FGF12: variants seen among roughly 807,000 people sequenced by gnomAD.
FGF12 encodes the protein fibroblast growth factor 12, also known as fibroblast growth factor 12B.
A neutral mutation model predicts 23.6 loss-of-function variants in FGF12; 14 were observed. The ratio of observed to expected loss-of-function variants is 0.59; its 90% confidence interval spans 0.39 to 0.93. The LOEUF (loss-of-function observed/expected upper bound fraction) is 0.93. FGF12 is among the 40% of genes least tolerant of loss of function. The pLI is 0.00. For missense variants in FGF12, 175 were observed against 217.8 expected (o/e 0.80, Z 1.24); for synonymous variants, 62 against 77.3 (o/e 0.80, Z 1.04).
chr3:192,492,263 T>C (rs1723823373), intron 2 of FGF12, among the ~76,000 whole-genome samples: 2 of 152,198 alleles, frequency 1.3e-5, no homozygotes, highest in Non-Finnish European at 2.9e-5. Flanking sequence ...ATTCATATCA[T>C]TAGTTAATAT....
At chr3:192,452,882 T>C (rs1040959553) in intron 2 of FGF12, among the ~76,000 whole-genome samples, 1 of 152,266 alleles carries the variant, frequency 6.6e-6, no homozygotes, top group Non-Finnish European at 1.5e-5. Flanking sequence ...AACTTCACTA[T>C]ACTTTCTTTG....
At chr3:192,413,930 C>A (rs567168270) in intron 2 of FGF12, among the ~76,000 whole-genome samples, 1 of 152,286 alleles carries the variant, frequency 6.6e-6, no homozygotes, top group East Asian at 1.9e-4. Context: ...AGTAGGCTGA[C>A]AAAAGCAATA....
chr3:192,346,398 T>A (rs901853883), intron 3 of FGF12, among the ~76,000 whole-genome samples: 1 of 152,204 alleles, frequency 6.6e-6, no homozygotes, highest in African/African-American at 2.4e-5. Context: ...AATCTTAATT[T>A]ATTTATTTTG....
At chr3:192,165,416 C>A (rs1447001549) in intron 5 of FGF12, among the ~76,000 whole-genome samples, 1 of 151,446 alleles carries the variant, frequency 6.6e-6, no homozygotes, top group Admixed American at 6.6e-5. Context: ...CATGTAAATT[C>A]TAGGCTAGGT....
chr3:192,704,196 G>A (rs1209243751), intron 2 of FGF12, among the ~76,000 whole-genome samples: 1 of 152,136 alleles, frequency 6.6e-6, no homozygotes. Flanking sequence ...TAAGCCTTAT[G>A]AAATATATTT....
At chr3:192,370,612 T>C (rs1719185821) in intron 2 of FGF12, among the ~76,000 whole-genome samples, 1 of 152,194 alleles carries the variant, frequency 6.6e-6, no homozygotes, top group Non-Finnish European at 1.5e-5. Context: ...CAGAGGCCAA[T>C]GCATTAAGCA....
intron 2 of FGF12, among the ~76,000 whole-genome samples, chr3:192,454,646 C>A (rs1255735336): frequency 6.6e-6 from 1 of 152,234 alleles, no homozygotes; most frequent in Non-Finnish European, 1.5e-5. Context: ...CAAAGGCATA[C>A]TTCTCAGACT....
intron 2 of FGF12, among the ~76,000 whole-genome samples, chr3:192,680,422 G>T (rs1717481415): frequency 6.6e-6 from 1 of 152,232 alleles, no homozygotes; most frequent in Admixed American, 6.5e-5. Context: ...CAGGAAAGCA[G>T]GTGGTGGTGG....
intron 4 of FGF12, among the ~76,000 whole-genome samples, chr3:192,324,854 G>C (rs1027131429): frequency 9.9e-5 from 15 of 152,124 alleles, no homozygotes; most frequent in African/African-American, 3.6e-4. Flanking sequence ...CATTAGTGCT[G>C]CTCTCAAAAG....
At chr3:192,480,592 G>T (rs1351563851) in intron 2 of FGF12, among the ~76,000 whole-genome samples, 1 of 152,166 alleles carries the variant, frequency 6.6e-6, no homozygotes, top group African/African-American at 2.4e-5. Flanking sequence ...AAATAAAGTT[G>T]TCCATTGAGT....
At chr3:192,356,440 CAA>C (rs562924256) in intron 3 of FGF12, among the ~76,000 whole-genome samples, 53 of 152,160 alleles carry the variant, frequency 3.5e-4, no homozygotes, top group Non-Finnish European at 6.8e-4. Flanking sequence ...ACTCAGGAAA[CAA>C]AATAATTAGC....
chr3:192,186,802 C>T (rs1477056203), intron 4 of FGF12, among the ~76,000 whole-genome samples: 1 of 152,126 alleles, frequency 6.6e-6, no homozygotes, highest in Non-Finnish European at 1.5e-5. Flanking sequence ...GCCTAAACTT[C>T]AGTTTTGAAG....
intron 2 of FGF12, among the ~76,000 whole-genome samples, chr3:192,481,543 C>A (rs1723479134): frequency 6.6e-6 from 1 of 152,160 alleles, no homozygotes; most frequent in Non-Finnish European, 1.5e-5. Flanking sequence ...AATTCTCTGG[C>A]CACAGAGATT....
At chr3:192,515,419 A>G (rs919262654) in intron 2 of FGF12, 1 of 152,940 alleles carries the variant, frequency 6.5e-6, no homozygotes, top group African/African-American at 2.4e-5. Context: ...GGTGCCGGCT[A>G]TGAGAAGTCA....
chr3:192,590,814 C>T (rs1713582699), intron 2 of FGF12, among the ~76,000 whole-genome samples: 1 of 151,762 alleles, frequency 6.6e-6, no homozygotes, highest in African/African-American at 2.4e-5. Flanking sequence ...AAAGTGGCAC[C>T]ATCAACTTAA....
chr3:192,292,008 T>C (rs1189821721), intron 4 of FGF12, among the ~76,000 whole-genome samples: 1 of 152,130 alleles, frequency 6.6e-6, no homozygotes, highest in Non-Finnish European at 1.5e-5. Flanking sequence ...GGAAGGCAAA[T>C]CATAATAATT....
intron 4 of FGF12, among the ~76,000 whole-genome samples, chr3:192,190,523 T>G (rs577484865): frequency 7.5e-6 from 1 of 133,264 alleles, no homozygotes; most frequent in South Asian, 2.5e-4. Context: ...TCGCCCAGGC[T>G]GGAGTGCAGT....
chr3:192,154,645 C>T (rs1487158757), intron 5 of FGF12, among the ~76,000 whole-genome samples: 2 of 148,276 alleles, frequency 1.3e-5, no homozygotes, highest in African/African-American at 2.5e-5. Context: ...GGGTCAGGGA[C>T]CCACTTGAGG....
At chr3:192,164,617 CAAAA>C (rs935263367) in intron 5 of FGF12, among the ~76,000 whole-genome samples, 1 of 151,930 alleles carries the variant, frequency 6.6e-6, no homozygotes, top group Non-Finnish European at 1.5e-5. Context: ...CAGGAAAAAA[CAAAA>C]GAACAAAAGC....
Sources: allele counts gnomAD v4.1 joint callset (sites outside exome capture counted in the v4.1 genomes callset), GRCh38; gene constraint gnomAD v4.1.1; transcripts MANE v1.5; gene names NCBI Gene and HGNC (gene_info 2026-07-23, HGNC 2026-07-21).